MAD1L1: variants seen among roughly 807,000 people sequenced by gnomAD.
MAD1L1 encodes the protein mitotic arrest deficient 1 like 1.
A neutral mutation model predicts 96.9 loss-of-function variants in MAD1L1; 95 were observed. That is an observed-to-expected ratio of 0.98 (90% confidence interval 0.83 to 1.16). The LOEUF (loss-of-function observed/expected upper bound fraction) is 1.16. Among genes scored for constraint, MAD1L1 ranks in the 50% most tolerant of loss-of-function variants. The pLI is 0.00. For synonymous variants in MAD1L1, 473 were observed against 396.6 expected (o/e 1.19, Z -2.29); for missense variants, 1,007 against 954.4 (o/e 1.06, Z -0.73).
chr7:1,854,533 G>A (rs949485826), intron 18 of MAD1L1, among the ~76,000 whole-genome samples: 2 of 152,080 alleles, frequency 1.3e-5, no homozygotes, highest in African/African-American at 2.4e-5. Context: ...GGGGCGGGGG[G>A]ACTCTGGGGT....
At chr7:2,112,980 C>A (rs1034356545) in intron 11 of MAD1L1, among the ~76,000 whole-genome samples, 3 of 152,174 alleles carry the variant, frequency 2.0e-5, no homozygotes, top group Non-Finnish European at 4.4e-5. Flanking sequence ...ATCCGCAGAG[C>A]ACTGGGTCAC....
intron 18 of MAD1L1, among the ~76,000 whole-genome samples, chr7:1,825,376 G>A (rs1223018508): frequency 6.6e-6 from 1 of 152,248 alleles, no homozygotes; most frequent in Non-Finnish European, 1.5e-5. Flanking sequence ...CTGGCGTCAT[G>A]GCTGGCATCT....
chr7:1,938,721 C>A (rs1778745216), intron 16 of MAD1L1, among the ~76,000 whole-genome samples: 1 of 151,536 alleles, frequency 6.6e-6, no homozygotes, highest in African/African-American at 2.4e-5. Flanking sequence ...ACACATGGGC[C>A]AGGGCTGGGG....
chr7:1,975,880 C>T (rs1780613739), intron 15 of MAD1L1, among the ~76,000 whole-genome samples: 1 of 152,162 alleles, frequency 6.6e-6, no homozygotes, highest in Non-Finnish European at 1.5e-5. Flanking sequence ...CAGGCACTGG[C>T]ACAGATAGGC....
At chr7:1,890,209 G>C (rs1166533682) in intron 18 of MAD1L1, among the ~76,000 whole-genome samples, 2 of 152,232 alleles carry the variant, frequency 1.3e-5, no homozygotes, top group African/African-American at 4.8e-5. Context: ...TGTGGGTACT[G>C]TTGGTACGTC....
intron 18 of MAD1L1, among the ~76,000 whole-genome samples, chr7:1,842,442 G>T (rs1334925071): frequency 2.6e-5 from 4 of 152,202 alleles, no homozygotes; most frequent in African/African-American, 4.8e-5. Context: ...GGATCCAAAG[G>T]GCAACTCTTG....
At chr7:2,040,498 ATC>A (rs760351470) in intron 12 of MAD1L1, among the ~76,000 whole-genome samples, 1 of 152,186 alleles carries the variant, frequency 6.6e-6, no homozygotes, top group Non-Finnish European at 1.5e-5. Context: ...CTATCGGTCC[ATC>A]TCTGAGTTCA....
rs887256782 is a variant in MAD1L1 at position 1,935,015 on chromosome 7, G to A, written c.1807+1672C>T. Among the ~76,000 whole-genome samples the A allele has an allele frequency of 3.3e-5, 5 of 152,054 alleles. 1 individual carries two copies. The South Asian group carries it at 1.0e-3, about 32-fold the overall frequency. ...ACGGGCAGAGACCCAGACAACAAGG[G>A]AACGAACAGACGGGCAAACCCGAGA... On this transcript the variant is annotated intron_variant, in intron 17 of 18. Transcript: ENST00000265854.
chr7:1,957,514 G>A (rs1157836188), intron 16 of MAD1L1, 115 bp downstream of exon 16: 1 of 1,045,356 alleles, frequency 9.6e-7, no homozygotes, highest in Non-Finnish European at 1.4e-6. Context: ...GGAGAGTTCA[G>A]ACAGACGAGC....
At chr7:1,913,975 G>C (rs571710786) in intron 17 of MAD1L1, among the ~76,000 whole-genome samples, 26 of 152,054 alleles carry the variant, frequency 1.7e-4, no homozygotes, top group African/African-American at 3.9e-4. Flanking sequence ...CGCCATGCTG[G>C]GGGGGGAGAG....
At chr7:2,200,418 C>G (rs1033783023) in intron 10 of MAD1L1, 1 of 152,366 alleles carries the variant, frequency 6.6e-6, no homozygotes, top group Non-Finnish European at 1.5e-5. Flanking sequence ...TGGCCTGGCT[C>G]GGAGCCCTGC....
At chr7:1,907,913 C>T (rs1197701998) in intron 17 of MAD1L1, among the ~76,000 whole-genome samples, 1 of 152,178 alleles carries the variant, frequency 6.6e-6, no homozygotes, top group Non-Finnish European at 1.5e-5. Flanking sequence ...GAGCATGGTC[C>T]GGAGAGACAG....
intron 18 of MAD1L1, among the ~76,000 whole-genome samples, chr7:1,884,191 G>C (rs889035260): frequency 6.6e-6 from 1 of 152,222 alleles, no homozygotes; most frequent in Non-Finnish European, 1.5e-5. Flanking sequence ...AGGCATGCAC[G>C]GTGTTTGGTG....
Position 1,852,442 on chromosome 7 carries a change from G to A in MAD1L1, c.1999-36214C>T, listed in dbSNP as rs1193289398. On this transcript the variant is annotated intron_variant, in intron 18 of 18. Coordinates refer to ENST00000265854, the MANE Select transcript of MAD1L1 (RefSeq NM_001013836.2). ...CCCTCAATGGACCTTGCACTGGGGGGAGTCCAGGCTCAGGATCCCTGAGGC... is the reference window on the plus strand; with the variant it reads ...CCCTCAATGGACCTTGCACTGGGGGAAGTCCAGGCTCAGGATCCCTGAGGC... 2.6e-5 allele frequency among the ~76,000 whole-genome samples: 4 copies of A among 152,150 alleles called. No homozygotes were observed. The South Asian group carries it at 8.3e-4, about 32-fold the overall frequency.
At chr7:1,891,263 C>G (rs1371796009) in intron 18 of MAD1L1, among the ~76,000 whole-genome samples, 1 of 151,958 alleles carries the variant, frequency 6.6e-6, no homozygotes, top group South Asian at 2.1e-4. Context: ...CGGTGGCTCA[C>G]GCCTGTAATC....
intron 17 of MAD1L1, among the ~76,000 whole-genome samples, chr7:1,901,326 C>T (rs1025367081): frequency 8.5e-5 from 13 of 152,226 alleles, no homozygotes; most frequent in Non-Finnish European, 1.6e-4. Context: ...GTTGCTCTCA[C>T]GTGGTCTCCT....
At position 2,230,156 on chromosome 7, in the gene MAD1L1, G is replaced by C; in HGVS notation, c.-10-13C>G. On this transcript the variant is annotated splice_polypyrimidine_tract_variant and intron_variant, in intron 2 of 18. Transcript: ENST00000265854. ...CATGGTTGCTTTCCTTCCGGGGACA[G>C]ACAAAGGACTGGTCAGGGGCAGCCT... The C allele has an allele frequency of 6.4e-7, 1 of 1,572,654 alleles. No homozygotes were observed. Among genetic ancestry groups the C allele is most frequent in the Non-Finnish European group, 8.6e-7 (1 of 1,158,256 alleles).
intron 10 of MAD1L1, among the ~76,000 whole-genome samples, chr7:2,158,042 C>T (rs1210395841): frequency 2.0e-5 from 3 of 152,238 alleles, no homozygotes; most frequent in Non-Finnish European, 2.9e-5. Context: ...AGTGACAGTT[C>T]CAACTGCAGT....
chr7:1,936,302 C>G (rs1778598879), intron 17 of MAD1L1, among the ~76,000 whole-genome samples: 1 of 152,258 alleles, frequency 6.6e-6, no homozygotes, highest in African/African-American at 2.4e-5. Flanking sequence ...CCTCAAAGGG[C>G]TCTCTGGACG....
Sources: allele counts gnomAD v4.1 joint callset (sites outside exome capture counted in the v4.1 genomes callset), GRCh38; gene constraint gnomAD v4.1.1; transcripts MANE v1.5; gene names NCBI Gene and HGNC (gene_info 2026-07-23, HGNC 2026-07-21).